ADPRM: variants seen among roughly 807,000 people sequenced by gnomAD.
ADPRM encodes the protein manganese-dependent ADP-ribose/CDP-alcohol diphosphatase.
In ADPRM, 17 loss-of-function variants were observed where a neutral mutation model predicts 27.2. The observed-to-expected ratio is 0.63, with a 90% CI of 0.43 to 0.94. ADPRM has a LOEUF of 0.94. ADPRM is among the 40% of genes least tolerant of loss of function. The pLI is 0.00. For missense variants in ADPRM, 337 were observed against 412.8 expected, an observed-to-expected ratio of 0.82 and a Z score of 1.59; for synonymous variants, 135 against 145.3, an observed-to-expected ratio of 0.93 and a Z score of 0.51.
In ADPRM at chr17:10,705,529, T is replaced by C. The variant is rs2074807448; in HGVS notation, c.601+2T>C. The C allele has an allele frequency of 6.2e-7, 1 of 1,609,912 alleles. No homozygotes were observed. The highest frequency in any genetic ancestry group is 2.2e-5 in the East Asian group (1 of 44,794). On this transcript the variant is annotated splice_donor_variant, in intron 2 of 3. Transcript: ENST00000379774. LOFTEE classifies it high-confidence loss of function. This position sits in a 1 kb window ranked among gnomAD's most constrained non-coding sequence, Gnocchi z 5.4. Reference sequence around the variant, plus strand: ...ATACGGAACTGAATAGTCCTCAAGGTGAATTATTCCTTTGAGCTGAGAATC... The same window carrying C: ...ATACGGAACTGAATAGTCCTCAAGGCGAATTATTCCTTTGAGCTGAGAATC...
chr17:10,703,922 A>T (rs2074795823), intron 1 of ADPRM, among the ~76,000 whole-genome samples: 1 of 152,210 alleles, frequency 6.6e-6, no homozygotes, highest in South Asian at 2.1e-4. Flanking sequence ...TCAAGTTTAA[A>T]TCTTGCTCTT....
At position 10,705,223 on chromosome 17, in the gene ADPRM, G is replaced by C. The variant is rs2074805392; in HGVS notation, c.297G>C (p.Arg99Ser). 6.2e-7 allele frequency: 1 copy of C among 1,614,090 alleles called. No homozygotes were observed. Among genetic ancestry groups the C allele is most frequent in the Non-Finnish European group, 8.5e-7 (1 of 1,180,006 alleles). ...AACTTGTTATGGACATGTTCAAGAG[G>C]CTTAAAGTTCCAGTTCATCATACAT... ...SLELVMDMFK[R>S]LKVPVHHTWG... Residue 99 changes from arginine (R) to serine (S), a missense_variant, in exon 2 of 4, where the codon AGG becomes AGC. Transcript: ENST00000379774. This position sits in a 1 kb window ranked among gnomAD's most constrained non-coding sequence, Gnocchi z 5.4.
chr17:10,704,510 T>A (rs1035971357), intron 1 of ADPRM, among the ~76,000 whole-genome samples: 1 of 150,726 alleles, frequency 6.6e-6, no homozygotes, highest in East Asian at 1.9e-4. Context: ...AAAAAAAACT[T>A]GAAGTTTTGA....
intron 3 of ADPRM, 128 bp downstream of exon 3, chr17:10,706,682 T>C: frequency 1.7e-6 from 1 of 571,748 alleles, no homozygotes; most frequent in Non-Finnish European, 2.8e-6. Context: ...GTTTAAAAAT[T>C]TCTATTGAGA....
Position 10,705,072 on chromosome 17 carries a change from T to C in ADPRM, c.146T>C (p.Leu49Pro). The C allele has an allele frequency of 6.2e-7, 1 of 1,614,180 alleles. No individual in the cohort carries two copies. Among genetic ancestry groups the C allele is most frequent in the Non-Finnish European group, 8.5e-7 (1 of 1,180,024 alleles). Residue 49 changes from leucine to proline, a missense_variant, in exon 2 of 4, where the codon CTT (leucine) becomes CCT (proline). Leu to Pro is a moderately conservative substitution (Grantham distance 98). Transcript: ENST00000379774. The surrounding 1 kb of genome is among the most constrained non-coding windows in gnomAD (Gnocchi z 5.4). ...GTRRRYYRHSLLHLQGAIEDW... is the reference protein window; with the variant it reads ...GTRRRYYRHSPLHLQGAIEDW... ...AGGCGGCGATACTACAGACATAGTC[T>C]TCTTCACTTACAGGGTGCCATTGAA...
intron 1 of ADPRM, chr17:10,699,047 C>T (rs2074756645): frequency 6.6e-6 from 1 of 152,112 alleles, no homozygotes; most frequent in Non-Finnish European, 1.5e-5. Flanking sequence ...TGCTAAAGTG[C>T]TTCTTTTAGT....
chr17:10,705,671 T>C lies in ADPRM; in HGVS notation c.601+144T>C. ...AGGATTTCTCACAAGCCTTCTCACA[T>C]GGATTGGTTACAGTTGATTCAAGAT... On this transcript the variant is annotated intron_variant, in intron 2 of 3. Coordinates refer to ENST00000379774, the MANE Select transcript of ADPRM (RefSeq NM_020233.5). This position sits in a 1 kb window ranked among gnomAD's most constrained non-coding sequence, Gnocchi z 5.4. 7.7e-7 allele frequency: 1 copy of C among 1,290,926 alleles called. No individual in the cohort carries two copies. The highest frequency in any genetic ancestry group is 2.5e-5 in the East Asian group (1 of 39,824). 80.0% of individuals were successfully genotyped at this position (1,290,926 alleles called of 1,614,324 possible).
intron 1 of ADPRM, among the ~76,000 whole-genome samples, chr17:10,701,624 T>C (rs1384904869): frequency 3.3e-5 from 5 of 152,222 alleles, no homozygotes; most frequent in Non-Finnish European, 5.9e-5. Flanking sequence ...CCACCACGCC[T>C]GGCCTATATG....
rs559210176 is a variant in ADPRM, at chr17:10,699,662, C to T, written c.-18+1995C>T. ...GCCTCATCCTCCCGTGTAGCTGGGA[C>T]TAGAGGTGCGTGCCACCAGGCCTGT... On this transcript the variant is annotated intron_variant, in intron 1 of 3. Transcript: ENST00000379774. 2.0e-4 allele frequency among the ~76,000 whole-genome samples: 31 copies of T among 151,794 alleles called. No homozygotes were observed. The East Asian group carries it at 5.2e-3, about 26-fold the overall frequency.
intron 1 of ADPRM, among the ~76,000 whole-genome samples, chr17:10,699,841 A>G (rs1221461091): frequency 6.6e-6 from 1 of 151,998 alleles, no homozygotes; most frequent in Non-Finnish European, 1.5e-5. Flanking sequence ...CCCAATTTAG[A>G]TATTTTTCTT....
At chr17:10,699,801 G>C (rs1369106750) in intron 1 of ADPRM, among the ~76,000 whole-genome samples, 20 of 152,134 alleles carry the variant, frequency 1.3e-4, no homozygotes, top group Admixed American at 1.2e-3. Flanking sequence ...CAAAGTGCTA[G>C]GATTACAGGC....
At chr17:10,701,353 TGGA>T (rs1011677556) in intron 1 of ADPRM, among the ~76,000 whole-genome samples, 2 of 151,918 alleles carry the variant, frequency 1.3e-5, no homozygotes, top group Admixed American at 1.3e-4. Flanking sequence ...TTTTTTGAGA[TGGA>T]GTCTCGCTCT....
chr17:10,711,147 T>C lies in ADPRM; in HGVS notation c.*3T>C, dbSNP rs1360763069. 1 of 1,588,410 alleles carries C rather than the reference T, an allele frequency of 6.3e-7. No homozygotes were observed. Among genetic ancestry groups the C allele is most frequent in the African/African-American group, 1.4e-5 (1 of 73,840 alleles). ...AAGAAAGAGCCTTCCATTGTTAGTC[T>C]AATTTATTTTAACTTGATAGAAAAT... is the stretch of plus-strand genomic sequence containing the variant. On this transcript the variant is annotated 3_prime_UTR_variant, in exon 4 of 4. Coordinates refer to ENST00000379774, the MANE Select transcript of ADPRM (RefSeq NM_020233.5).
intron 1 of ADPRM, 52 bp downstream of exon 1, chr17:10,697,719 T>C (rs28364712): frequency 7.8e-5 from 52 of 663,172 alleles, no homozygotes; most frequent in Admixed American, 1.5e-4. Flanking sequence ...TGGGCGGTGC[T>C]GCGGGGCCGC....
At chr17:10,700,313 A>T (rs1387624244) in intron 1 of ADPRM, among the ~76,000 whole-genome samples, 1 of 152,244 alleles carries the variant, frequency 6.6e-6, no homozygotes, top group African/African-American at 2.4e-5. Flanking sequence ...GCCTTCTGCC[A>T]ATCTTAAGTA....
intron 1 of ADPRM, among the ~76,000 whole-genome samples, chr17:10,698,545 G>GC (rs1307669394): frequency 6.6e-6 from 1 of 152,146 alleles, no homozygotes; most frequent in African/African-American, 2.4e-5. Flanking sequence ...CTCCTGTGTG[G>GC]CTTTTTTTTC....
At chr17:10,709,229 C>G (rs401539) in intron 3 of ADPRM, among the ~76,000 whole-genome samples, 75,723 of 151,902 alleles carry the variant, frequency 0.5, 19,656 homozygotes, top group African/African-American at 0.65. Flanking sequence ...GAGGGTAGGG[C>G]TTCAGGTTTG....
intron 3 of ADPRM, 90 bp from the exon 4 acceptor site, chr17:10,710,744 C>A (rs1209181603): frequency 9.8e-6 from 12 of 1,228,634 alleles, no homozygotes; most frequent in Non-Finnish European, 1.3e-5. Context: ...ATTTTTTTTT[C>A]TTTTTCTGAG....
Position 10,710,949 on chromosome 17 carries a change from C to G in ADPRM, c.834C>G (p.His278Gln). 6.2e-7 allele frequency: 1 copy of G among 1,614,184 alleles called. No homozygotes were observed. Among genetic ancestry groups the G allele is most frequent in the South Asian group, 1.1e-5 (1 of 91,080 alleles). ...HECVVCFFAGHTHDGGYSEDP... is the reference protein window; with the variant it reads ...HECVVCFFAGQTHDGGYSEDP... ...GTGTGGTGTGTTTCTTTGCTGGTCA[C>G]ACCCATGATGGTGGCTACTCTGAGG... Residue 278 changes from histidine to glutamine, a missense_variant, in exon 4 of 4, where the codon CAC becomes CAG. By Grantham distance (24) the His-to-Gln change is conservative. Coordinates refer to ENST00000379774, the MANE Select transcript of ADPRM (RefSeq NM_020233.5).
Sources: gnomAD v4.1 joint callset for allele counts (sites outside exome capture counted in the v4.1 genomes callset) on GRCh38, gnomAD v4.1.1 for gene constraint, Gnocchi (gnomAD v3.1) non-coding constraint, MANE v1.5 for transcripts, NCBI Gene and HGNC (gene_info 2026-07-23, HGNC 2026-07-21) for gene names.